The following VCF1 variants were observed in gnomAD, a reference collection of about 807,000 sequenced individuals.
VCF1 encodes protein VCF1.
chr17:73,222,450 A>G, the VCF1 span, among the ~76,000 whole-genome samples: 40 of 152,232 alleles, frequency 2.6e-4, no homozygotes, highest in African/African-American at 9.4e-4. Flanking sequence ...AGATAAAAAG[A>G]GAAGGAAAAT....
At chr17:73,228,471 T>A in the VCF1 span, among the ~76,000 whole-genome samples, 2 of 152,236 alleles carry the variant, frequency 1.3e-5, no homozygotes, top group African/African-American at 4.8e-5. Context: ...CTCACTTCTC[T>A]GTACTCTGCA....
At chr17:73,209,990 T>TA in the VCF1 span, among the ~76,000 whole-genome samples, 1 of 152,202 alleles carries the variant, frequency 6.6e-6, no homozygotes, top group Non-Finnish European at 1.5e-5. Flanking sequence ...TTGTCCTTAA[T>TA]ACACAGCTCT....
At chr17:73,232,023 C>T in the VCF1 span, 1 of 1,485,072 alleles carries the variant, frequency 6.7e-7, no homozygotes, top group African/African-American at 1.4e-5. Flanking sequence ...TTTCGCGCGC[C>T]CCCTCGGCTC....
At chr17:73,215,732 T>G in the VCF1 span, among the ~76,000 whole-genome samples, 2 of 152,168 alleles carry the variant, frequency 1.3e-5, no homozygotes, top group African/African-American at 4.8e-5. Context: ...AAGCATTCAG[T>G]AAATATTTAC....
chr17:73,220,891 T>C, the VCF1 span, among the ~76,000 whole-genome samples: 1 of 144,802 alleles, frequency 6.9e-6, no homozygotes, highest in East Asian at 2.0e-4. Flanking sequence ...TTTTTTAATT[T>C]AGATTTTTTT....
At chr17:73,212,717 A>C in the VCF1 span, 1 of 1,592,372 alleles carries the variant, frequency 6.3e-7, no homozygotes, top group Non-Finnish European at 8.6e-7. Context: ...TGTTTTCTTT[A>C]CTGTTTCTCA....
the VCF1 span, among the ~76,000 whole-genome samples, chr17:73,231,216 A>T: frequency 2.0e-5 from 3 of 152,370 alleles, no homozygotes; most frequent in East Asian, 5.8e-4. Flanking sequence ...CTTCAATCAC[A>T]TGAAATAATT....
the VCF1 span, among the ~76,000 whole-genome samples, chr17:73,213,366 A>C: frequency 3.5e-4 from 54 of 152,350 alleles, no homozygotes; most frequent in African/African-American, 1.2e-3. Context: ...ATATGATGAA[A>C]TTCTATTCAG....
At chr17:73,220,802 A>C in the VCF1 span, among the ~76,000 whole-genome samples, 1 of 151,342 alleles carries the variant, frequency 6.6e-6, no homozygotes, top group Non-Finnish European at 1.5e-5. Flanking sequence ...TGGTCTAAAA[A>C]ATCAAAATGG....
At chr17:73,222,714 T>C in the VCF1 span, among the ~76,000 whole-genome samples, 1 of 149,854 alleles carries the variant, frequency 6.7e-6, no homozygotes, top group Admixed American at 6.7e-5. Context: ...GAGGTGGAGG[T>C]TGCAGTGAGC....
the VCF1 span, among the ~76,000 whole-genome samples, chr17:73,218,287 TC>T: frequency 6.6e-6 from 1 of 152,210 alleles, no homozygotes; most frequent in Non-Finnish European, 1.5e-5. Flanking sequence ...GACACAAGAT[TC>T]CAAATGAACT....
At chr17:73,220,838 TA>T in the VCF1 span, among the ~76,000 whole-genome samples, 67 of 150,694 alleles carry the variant, frequency 4.4e-4, 2 homozygotes, top group African/African-American at 1.6e-3. Context: ...TTAAAGGTAT[TA>T]AAAAAAATTG....
At chr17:73,223,582 A>C in the VCF1 span, among the ~76,000 whole-genome samples, 1 of 152,216 alleles carries the variant, frequency 6.6e-6, no homozygotes, top group Non-Finnish European at 1.5e-5. Context: ...TTATTATTGT[A>C]CTTAAGCAAA....
At chr17:73,219,104 T>C in the VCF1 span, among the ~76,000 whole-genome samples, 1 of 148,728 alleles carries the variant, frequency 6.7e-6, no homozygotes, top group Non-Finnish European at 1.5e-5. Context: ...GGCAGGCGAA[T>C]CGCTTGAACC....
the VCF1 span, chr17:73,227,792 G>T: frequency 3.1e-6 from 1 of 317,970 alleles, no homozygotes; most frequent in Non-Finnish European, 4.6e-6. Context: ...TACTTCACTA[G>T]ATTGTTACTA....
At chr17:73,217,250 G>A in the VCF1 span, among the ~76,000 whole-genome samples, 2 of 152,178 alleles carry the variant, frequency 1.3e-5, no homozygotes, top group African/African-American at 4.8e-5. Flanking sequence ...CTATTTGGGA[G>A]GCTGAGGCAG....
the VCF1 span, among the ~76,000 whole-genome samples, chr17:73,219,580 G>A: frequency 1.6e-4 from 24 of 151,460 alleles, no homozygotes; most frequent in Non-Finnish European, 2.2e-4. Flanking sequence ...AACCTGGGGG[G>A]CAGAGCTTGC....
At chr17:73,223,418 G>A in the VCF1 span, among the ~76,000 whole-genome samples, 29 of 152,070 alleles carry the variant, frequency 1.9e-4, no homozygotes, top group Non-Finnish European at 3.1e-4. Flanking sequence ...TAACTAATCC[G>A]GCAAATCAGT....
chr17:73,223,274 G>A, the VCF1 span, among the ~76,000 whole-genome samples: 4 of 152,112 alleles, frequency 2.6e-5, no homozygotes, highest in Non-Finnish European at 5.9e-5. Context: ...CCGAGATTGC[G>A]CCATTGCACT....
Sources: allele counts gnomAD v4.1 joint callset (sites outside exome capture counted in the v4.1 genomes callset), GRCh38; gene constraint gnomAD v4.1.1; transcripts MANE v1.5; gene names NCBI Gene and HGNC (gene_info 2026-07-23, HGNC 2026-07-21).